Variants in PSMB7 observed in about 807,000 individuals in gnomAD.
PSMB7 encodes the protein proteasome subunit beta type-7.
A neutral mutation model predicts 28.1 loss-of-function variants in PSMB7; 5 were observed. That is an observed-to-expected ratio of 0.18 (90% CI 0.09 to 0.37). The LOEUF (loss-of-function observed/expected upper bound fraction) is 0.37. Ranked by LOEUF, PSMB7 falls within the 10% of genes least tolerant of loss-of-function variation. The probability of loss-of-function intolerance (pLI) is 1.00; values close to 1 mark genes in which losing one functional copy is unlikely to be tolerated. For missense variants in PSMB7, 275 were observed against 346.2 expected (o/e 0.79, Z 1.63); for synonymous variants, 122 against 123.7 (o/e 0.99, Z 0.09).
intron 7 of PSMB7, among the ~76,000 whole-genome samples, chr9:124,355,556 G>A (rs866345808): frequency 3.3e-5 from 5 of 152,168 alleles, no homozygotes; most frequent in Non-Finnish European, 2.9e-5. Context: ...AATAACCAGC[G>A]AAGCAGGCTA....
At chr9:124,357,018 C>T (rs1830415281) in intron 6 of PSMB7, 103 bp from the exon 7 acceptor site, 1 of 1,290,964 alleles carries the variant, frequency 7.7e-7, no homozygotes, top group Non-Finnish European at 1.1e-6. Context: ...TCCCGCGAGA[C>T]AGGTGTTGTT....
At chr9:124,366,546 T>C (rs373133030) in intron 6 of PSMB7, among the ~76,000 whole-genome samples, 1 of 152,370 alleles carries the variant, frequency 6.6e-6, no homozygotes, top group African/African-American at 2.4e-5. Context: ...GTTACGGTAA[T>C]TACCGAAATT....
chr9:124,410,844 A>C (rs1831020773), intron 4 of PSMB7, among the ~76,000 whole-genome samples: 1 of 152,234 alleles, frequency 6.6e-6, no homozygotes, highest in Admixed American at 6.5e-5. Flanking sequence ...CCTGAAGGGA[A>C]CAGTGAAGTG....
chr9:124,386,968 C>T (rs1391171110), intron 5 of PSMB7, among the ~76,000 whole-genome samples: 15 of 151,998 alleles, frequency 9.9e-5, no homozygotes, highest in Non-Finnish European at 2.9e-5. Context: ...TTTTCCTGGC[C>T]GGGCGCGGTG....
At chr9:124,394,386 G>A (rs1830821504) in intron 5 of PSMB7, among the ~76,000 whole-genome samples, 2 of 152,146 alleles carry the variant, frequency 1.3e-5, no homozygotes, top group Admixed American at 1.3e-4. Context: ...GGCGACTCTG[G>A]TCCAATTCTG....
chr9:124,353,873 G>A (rs1278525989), intron 7 of PSMB7, among the ~76,000 whole-genome samples, 164 bp from the exon 8 acceptor site: 1 of 152,230 alleles, frequency 6.6e-6, no homozygotes, highest in African/African-American at 2.4e-5. Context: ...AACTTCCTCA[G>A]TTCTCAAGTG....
intron 6 of PSMB7, among the ~76,000 whole-genome samples, chr9:124,362,210 T>G (rs79695840): frequency 0.016 from 2,510 of 152,352 alleles, 69 homozygotes; most frequent in African/African-American, 0.057. Context: ...TAAAATAATT[T>G]AAAAAGAAAT....
At chr9:124,375,375 G>C (rs1440307139) in intron 6 of PSMB7, among the ~76,000 whole-genome samples, 1 of 152,058 alleles carries the variant, frequency 6.6e-6, no homozygotes, top group African/African-American at 2.4e-5. Flanking sequence ...TGTTGCCCAG[G>C]CTGGTCTCAA....
chr9:124,380,721 A>C lies in PSMB7; in HGVS notation c.570+3877T>G, dbSNP rs144452145. Among the ~76,000 whole-genome samples, 7 of 152,288 alleles carry C rather than the reference A, an allele frequency of 4.6e-5. No homozygotes were observed. The East Asian group carries it at 1.4e-3, about 29-fold the overall frequency. ...GGTAAAGGAAACGTTCTCTATCTTC[A>C]TTTGAGTGCCAAAACCCATTGAACT... On this transcript the variant is annotated intron_variant, in intron 6 of 7. Coordinates refer to ENST00000259457, the MANE Select transcript of PSMB7 (RefSeq NM_002799.4).
chr9:124,409,403 T>C (rs1339379143), intron 4 of PSMB7, among the ~76,000 whole-genome samples: 1 of 152,240 alleles, frequency 6.6e-6, no homozygotes, highest in Admixed American at 6.5e-5. Context: ...TTCACTAACA[T>C]TTTTATGAAA....
chr9:124,405,830 GCAC>G (rs1407165946), intron 4 of PSMB7, among the ~76,000 whole-genome samples: 1 of 152,012 alleles, frequency 6.6e-6, no homozygotes, highest in Non-Finnish European at 1.5e-5. Context: ...CTACAGGTGT[GCAC>G]CACCACACCT....
intron 6 of PSMB7, among the ~76,000 whole-genome samples, chr9:124,358,105 G>C (rs1023228606): frequency 1.1e-4 from 16 of 152,182 alleles, no homozygotes; most frequent in African/African-American, 3.6e-4. Context: ...ACATACACAT[G>C]CAAGTGCACT....
At chr9:124,389,263 T>C (rs920142109) in intron 5 of PSMB7, among the ~76,000 whole-genome samples, 2 of 152,162 alleles carry the variant, frequency 1.3e-5, no homozygotes, top group African/African-American at 4.8e-5. Context: ...CAGGAGTGAA[T>C]GGCCTTTCCT....
At position 124,398,023 on chromosome 9, in the gene PSMB7, C is replaced by G. The variant is rs146687794; in HGVS notation, c.511+7294G>C. Among the ~76,000 whole-genome samples, 527 of 152,202 alleles carry G rather than the reference C, an allele frequency of 3.5e-3. 2 individuals are homozygous for G. The highest frequency in any genetic ancestry group is 0.011 in the African/African-American group (466 of 41,542). On this transcript the variant is annotated intron_variant, in intron 5 of 7. Coordinates refer to ENST00000259457, the MANE Select transcript of PSMB7 (RefSeq NM_002799.4). ...TCTCTACTAAAAATACAAAAATTAG[C>G]AGGGCGTGGCTAATTATAGGCACAC...
intron 2 of PSMB7, 151 bp downstream of exon 2, chr9:124,414,691 T>C (rs1490638870): frequency 9.0e-6 from 6 of 665,954 alleles, no homozygotes; most frequent in Non-Finnish European, 1.6e-5. Context: ...ACACAAAACC[T>C]GACAAAAGCA....
Position 124,392,403 on chromosome 9 carries a change from A to T in PSMB7, c.512-7747T>A, listed in dbSNP as rs558038149. ...TCTGCAAAGCTGCCAAAGTTGCTCC[A>T]GGAGGCACAAGCAACTGCATCAAGC... On this transcript the variant is annotated intron_variant, in intron 5 of 7. Transcript: ENST00000259457. 5.3e-5 allele frequency among the ~76,000 whole-genome samples: 8 copies of T among 152,338 alleles called. No individual in the cohort carries two copies. In the East Asian group the frequency reaches 1.5e-3, roughly 29 times the overall value.
intron 6 of PSMB7, among the ~76,000 whole-genome samples, chr9:124,366,270 G>A (rs932299789): frequency 6.6e-5 from 10 of 152,094 alleles, no homozygotes; most frequent in Admixed American, 6.5e-4. Context: ...AAAATTAGCT[G>A]GGCGTGGTGA....
chr9:124,410,184 T>C (rs1021253858), intron 4 of PSMB7, among the ~76,000 whole-genome samples: 4 of 151,956 alleles, frequency 2.6e-5, no homozygotes, highest in Non-Finnish European at 4.4e-5. Flanking sequence ...TTAGTAGAGA[T>C]GGGGTTTCAC....
At chr9:124,392,970 C>T (rs531475910) in intron 5 of PSMB7, among the ~76,000 whole-genome samples, 2 of 152,298 alleles carry the variant, frequency 1.3e-5, no homozygotes, top group African/African-American at 4.8e-5. Context: ...TGACAGAGCG[C>T]TTACTCACAC....
Sources: gnomAD v4.1 joint callset for allele counts (sites outside exome capture counted in the v4.1 genomes callset) on GRCh38, gnomAD v4.1.1 for gene constraint, MANE v1.5 for transcripts, NCBI Gene and HGNC (gene_info 2026-07-23, HGNC 2026-07-21) for gene names.